SMOC2: variants seen among roughly 807,000 people sequenced by gnomAD.
SMOC2 encodes the protein SPARC-related modular calcium-binding protein 2.
SMOC2 carries 39 observed loss-of-function variants against 61.4 expected under a neutral mutation model. The ratio of observed to expected loss-of-function variants is 0.64; its 90% CI spans 0.49 to 0.83. The LOEUF (loss-of-function observed/expected upper bound fraction) is 0.83. Ranked by LOEUF, SMOC2 falls within the 40% of genes least tolerant of loss-of-function variation. SMOC2 has a pLI of 0.00. For missense variants in SMOC2, 556 were observed against 592.9 expected (o/e 0.94, Z 0.65); for synonymous variants, 247 against 239.9 (o/e 1.03, Z -0.27).
At chr6:168,640,376 G>T (rs1266698209) in intron 9 of SMOC2, among the ~76,000 whole-genome samples, 1 of 152,046 alleles carries the variant, frequency 6.6e-6, no homozygotes, top group Non-Finnish European at 1.5e-5. Flanking sequence ...AGGCTGCGGC[G>T]GGGGGCTGCT....
At chr6:168,454,305 T>C (rs544750148) in intron 1 of SMOC2, among the ~76,000 whole-genome samples, 10 of 152,220 alleles carry the variant, frequency 6.6e-5, no homozygotes, top group African/African-American at 2.2e-4. Context: ...CTGAAGTGTT[T>C]GTGAAGAAGA....
At chr6:168,518,629 ATG>A (rs1225984810) in intron 2 of SMOC2, among the ~76,000 whole-genome samples, 8 of 105,168 alleles carry the variant, frequency 7.6e-5, no homozygotes, top group Admixed American at 1.9e-4. Flanking sequence ...GACTGAGTGC[ATG>A]TGTGAGTGTA....
At chr6:168,575,599 G>A (rs1784782913) in intron 7 of SMOC2, among the ~76,000 whole-genome samples, 2 of 152,140 alleles carry the variant, frequency 1.3e-5, no homozygotes, top group South Asian at 4.1e-4. Context: ...GCCATGCGAA[G>A]GGTCTGTCTT....
At chr6:168,466,384 C>A (rs539771880) in intron 1 of SMOC2, among the ~76,000 whole-genome samples, 1 of 152,216 alleles carries the variant, frequency 6.6e-6, no homozygotes, top group Non-Finnish European at 1.5e-5. Context: ...CTCTGGATGC[C>A]GCTCCCACAG....
chr6:168,527,392 C>T (rs1337277476), intron 3 of SMOC2, among the ~76,000 whole-genome samples: 3 of 152,210 alleles, frequency 2.0e-5, no homozygotes, highest in Non-Finnish European at 4.4e-5. Flanking sequence ...GGTAAGGTGT[C>T]CAGCCCACAC....
rs149215448 is a variant in SMOC2 at position 168,601,696 on chromosome 6, A to G, written c.824+2692A>G. Reference sequence around the variant, plus strand: ...GGCAGATGCTGTTTTACACACGCCAATGAAAATCTTTAAGCTGTCAAACCC... The same window carrying G: ...GGCAGATGCTGTTTTACACACGCCAGTGAAAATCTTTAAGCTGTCAAACCC... On this transcript the variant is annotated intron_variant, in intron 8 of 12. Transcript: ENST00000356284. Among the ~76,000 whole-genome samples the G allele has an allele frequency of 2.0e-3, 298 of 152,282 alleles. 2 individuals are homozygous for G. Among genetic ancestry groups the G allele is most frequent in the African/African-American group, 6.7e-3 (278 of 41,538 alleles).
chr6:168,639,697 G>A (rs377179390), intron 9 of SMOC2, among the ~76,000 whole-genome samples: 21 of 152,282 alleles, frequency 1.4e-4, no homozygotes, highest in African/African-American at 2.4e-4. Context: ...GAATGCGTTC[G>A]ATTCCATCAT....
intron 4 of SMOC2, among the ~76,000 whole-genome samples, chr6:168,538,099 C>T (rs57902952): frequency 0.11 from 15,592 of 144,800 alleles, 857 homozygotes; most frequent in Middle Eastern, 0.18. Context: ...GTGGGGTGAC[C>T]GCTGCTGTAA....
At chr6:168,450,152 G>A (rs1014215567) in intron 1 of SMOC2, among the ~76,000 whole-genome samples, 13 of 152,254 alleles carry the variant, frequency 8.5e-5, no homozygotes, top group South Asian at 2.1e-4. Flanking sequence ...ATGACATTAC[G>A]GCCCTTTCAA....
At position 168,475,069 on chromosome 6, in the gene SMOC2, T is replaced by C. The variant is rs1782048743; in HGVS notation, c.84+33615T>C. The stretch of plus-strand genomic sequence containing the variant: ...TGGCTGTAGCTTCAGAATAGATCCC[T>C]TTATGGTAGGTCAGCACTCATGCCA... On this transcript the variant is annotated intron_variant, in intron 1 of 12. Coordinates refer to ENST00000356284, the MANE Select transcript of SMOC2 (RefSeq NM_001166412.2). The surrounding 1 kb of genome is among the most constrained non-coding windows in gnomAD (Gnocchi z 4.6). Among the ~76,000 whole-genome samples, 1 of 152,072 alleles carries C rather than the reference T, an allele frequency of 6.6e-6. No homozygotes were observed. The highest frequency in any genetic ancestry group is 2.1e-4 in the South Asian group (1 of 4,830).
At position 168,599,323 on chromosome 6, in the gene SMOC2, TCA is replaced by T. The variant is rs753741019; in HGVS notation, c.824+327_824+328del. ...ACCACACACACACCCCCACACTGTTTCACACACACTCATACCCACACACAACC... is the reference window on the plus strand; with the variant it reads ...ACCACACACACACCCCCACACTGTTTCACACACTCATACCCACACACAACC... On this transcript the variant is annotated intron_variant, in intron 8 of 12. Transcript: ENST00000356284. Among the ~76,000 whole-genome samples, 43 of 96,924 alleles carry T rather than the reference TCA, an allele frequency of 4.4e-4. 1 individual carries two copies. The highest frequency in any genetic ancestry group is 1.1e-3 in the African/African-American group (27 of 23,972). The allele number at this position is 96,924 out of a possible 152,430, so 63.6% of individuals were successfully genotyped here.
At chr6:168,634,847 G>A (rs1219512447) in intron 9 of SMOC2, among the ~76,000 whole-genome samples, 1 of 152,318 alleles carries the variant, frequency 6.6e-6, no homozygotes, top group South Asian at 2.1e-4. Flanking sequence ...TTTAAAAAAT[G>A]TGTGTGGCTT....
At chr6:168,612,732 C>T (rs1370827845) in intron 9 of SMOC2, among the ~76,000 whole-genome samples, 7 of 152,166 alleles carry the variant, frequency 4.6e-5, no homozygotes, top group Non-Finnish European at 7.3e-5. Flanking sequence ...GATTCAGGCT[C>T]GTAGGCCCTC....
intron 1 of SMOC2, among the ~76,000 whole-genome samples, chr6:168,509,461 G>T (rs900269512): frequency 6.6e-6 from 1 of 152,196 alleles, no homozygotes; most frequent in South Asian, 2.1e-4. Flanking sequence ...AAATCAGGAA[G>T]GATTCCCTCC....
At chr6:168,524,694 G>A (rs1783413677) in intron 2 of SMOC2, among the ~76,000 whole-genome samples, 1 of 152,260 alleles carries the variant, frequency 6.6e-6, no homozygotes, top group Non-Finnish European at 1.5e-5. Flanking sequence ...TTTCTCCTCA[G>A]CTAAAACACA....
intron 1 of SMOC2, among the ~76,000 whole-genome samples, chr6:168,476,755 CATA>C (rs372892124): frequency 3.9e-5 from 6 of 152,110 alleles, no homozygotes; most frequent in African/African-American, 1.4e-4. Flanking sequence ...CAACATTGTA[CATA>C]ATAATTTATG....
intron 9 of SMOC2, among the ~76,000 whole-genome samples, chr6:168,638,431 C>T (rs976853082): frequency 3.9e-5 from 6 of 152,172 alleles, no homozygotes; most frequent in South Asian, 2.1e-4. Context: ...TTTCTCGTGA[C>T]GGGGTAGGAA....
At chr6:168,614,600 AGG>A (rs371498776) in intron 9 of SMOC2, among the ~76,000 whole-genome samples, 2 of 92,006 alleles carry the variant, frequency 2.2e-5, no homozygotes, top group Non-Finnish European at 2.3e-5. Context: ...CAGCCAGCAC[AGG>A]GGGCCTCTTC....
rs1431620134 is a variant in SMOC2, at chr6:168,453,766, T to C, written c.84+12312T>C. ...CTGTCTCTCTGTCTCCCTCTTTCTC[T>C]GTCTCTCTGATTCTATCTCTTGGTC... On this transcript the variant is annotated intron_variant, in intron 1 of 12. Transcript: ENST00000356284. The surrounding 1 kb of genome is among the most constrained non-coding windows in gnomAD (Gnocchi z 4.4). Among the ~76,000 whole-genome samples the C allele has an allele frequency of 6.6e-6, 1 of 152,096 alleles. No homozygotes were observed. Among genetic ancestry groups the C allele is most frequent in the East Asian group, 1.9e-4 (1 of 5,150 alleles).
Sources: allele counts gnomAD v4.1 joint callset (sites outside exome capture counted in the v4.1 genomes callset), GRCh38; gene constraint gnomAD v4.1.1; non-coding constraint Gnocchi (gnomAD v3.1); transcripts MANE v1.5; gene names NCBI Gene and HGNC (gene_info 2026-07-23, HGNC 2026-07-21).